DOCK5: variants seen among roughly 807,000 people sequenced by gnomAD.
The protein encoded by DOCK5 is dedicator of cytokinesis protein 5.
Under a neutral mutation model 251.8 loss-of-function variants are expected in DOCK5, and 142 were observed. The observed-to-expected ratio is 0.56, with a 90% CI of 0.49 to 0.65. The LOEUF is 0.65. Ranked by LOEUF, DOCK5 falls within the 30% of genes least tolerant of loss-of-function variation. The pLI, the probability that DOCK5 is intolerant of heterozygous loss-of-function variation, is 0.00. For missense variants in DOCK5, 2,111 were observed against 2,312.3 expected, an observed-to-expected ratio of 0.91 and a Z score of 1.79; for synonymous variants, 842 against 835.5, an observed-to-expected ratio of 1.01 and a Z score of -0.13.
chr8:25,336,503 A>G, intron 22 of DOCK5, 130 bp downstream of exon 22: 3 of 1,236,506 alleles, frequency 2.4e-6, no homozygotes, highest in Non-Finnish European at 3.3e-6. Flanking sequence ...TCAGAACTGC[A>G]GGGCTGAAGA....
chr8:25,243,489 C>T (rs1803011916), intron 1 of DOCK5, among the ~76,000 whole-genome samples, 185 bp from the exon 2 acceptor site: 1 of 152,034 alleles, frequency 6.6e-6, no homozygotes, highest in Admixed American at 6.5e-5. Context: ...TGCCACTACG[C>T]CCAGCTGATT....
At chr8:25,186,970 C>T (rs1801444318) in intron 1 of DOCK5, among the ~76,000 whole-genome samples, 1 of 151,780 alleles carries the variant, frequency 6.6e-6, no homozygotes, top group African/African-American at 2.4e-5. Context: ...GTGGCAGAGG[C>T]AGGAGGATTG....
intron 26 of DOCK5, 21 bp from the exon 27 acceptor site, chr8:25,351,710 C>G (rs1439026822): frequency 1.2e-6 from 2 of 1,600,402 alleles, no homozygotes; most frequent in East Asian, 2.2e-5. Context: ...GGAATGGAGT[C>G]AAATCCTGTG....
intron 4 of DOCK5, among the ~76,000 whole-genome samples, chr8:25,278,367 G>A (rs894931892): frequency 9.9e-5 from 15 of 152,190 alleles, no homozygotes; most frequent in Non-Finnish European, 1.8e-4. Context: ...TGCAGGAACG[G>A]AGCCCATTTT....
At chr8:25,251,236 A>C (rs1330422891) in intron 2 of DOCK5, among the ~76,000 whole-genome samples, 1 of 152,094 alleles carries the variant, frequency 6.6e-6, no homozygotes, top group Non-Finnish European at 1.5e-5. Context: ...AATACAACAC[A>C]ATTGACCGCT....
intron 38 of DOCK5, among the ~76,000 whole-genome samples, chr8:25,379,086 C>A (rs557409227): frequency 7.2e-5 from 11 of 152,152 alleles, no homozygotes; most frequent in Non-Finnish European, 1.6e-4. Context: ...GGACAAAGGG[C>A]AAAAGGCAGA....
At chr8:25,203,107 C>T (rs996384103) in intron 1 of DOCK5, among the ~76,000 whole-genome samples, 1 of 152,130 alleles carries the variant, frequency 6.6e-6, no homozygotes, top group African/African-American at 2.4e-5. Flanking sequence ...TGACCAGTAG[C>T]TCTTGGCCAG....
At chr8:25,334,374 G>C (rs1473619612) in intron 21 of DOCK5, among the ~76,000 whole-genome samples, 178 bp downstream of exon 21, 3 of 152,150 alleles carry the variant, frequency 2.0e-5, no homozygotes, top group South Asian at 2.1e-4. Context: ...TCTAACTCTG[G>C]AAAGGGGGCT....
chr8:25,318,148 G>T (rs775767773), intron 14 of DOCK5, among the ~76,000 whole-genome samples: 21 of 152,100 alleles, frequency 1.4e-4, no homozygotes, highest in Non-Finnish European at 2.6e-4. Flanking sequence ...AAGTGCAGTG[G>T]CACAATCTCT....
At chr8:25,194,176 T>G (rs1421968080) in intron 1 of DOCK5, among the ~76,000 whole-genome samples, 2 of 151,130 alleles carry the variant, frequency 1.3e-5, no homozygotes, top group African/African-American at 4.9e-5. Flanking sequence ...CACCTGTCAT[T>G]GCAGCTACTA....
intron 7 of DOCK5, among the ~76,000 whole-genome samples, 182 bp from the exon 8 acceptor site, chr8:25,298,762 G>T (rs910203217): frequency 2.2e-4 from 34 of 151,964 alleles, no homozygotes; most frequent in Non-Finnish European, 4.1e-4. Context: ...ACAGAGGCTT[G>T]CTGTGTTGCC....
intron 1 of DOCK5, among the ~76,000 whole-genome samples, chr8:25,225,861 A>G (rs1320587711): frequency 6.6e-6 from 1 of 152,206 alleles, no homozygotes; most frequent in Non-Finnish European, 1.5e-5. Flanking sequence ...GACCCAAAGT[A>G]AAAAGGGAGT....
At chr8:25,240,065 C>T (rs554517299) in intron 1 of DOCK5, among the ~76,000 whole-genome samples, 2 of 152,248 alleles carry the variant, frequency 1.3e-5, no homozygotes, top group Admixed American at 6.5e-5. Context: ...ATGTCAAGGA[C>T]GCCTTTCTTC....
chr8:25,388,077 C>T (rs551884971), intron 40 of DOCK5, among the ~76,000 whole-genome samples: 1 of 152,298 alleles, frequency 6.6e-6, no homozygotes, highest in Admixed American at 6.5e-5. Context: ...TCCCTTCATT[C>T]AGTGTTTGCC....
At chr8:25,275,365 C>T in intron 3 of DOCK5, 21 bp from the exon 4 acceptor site, 1 of 1,587,652 alleles carries the variant, frequency 6.3e-7, no homozygotes. Context: ...GGCCATATAA[C>T]CAAAATTCTT....
intron 22 of DOCK5, among the ~76,000 whole-genome samples, chr8:25,339,140 G>A (rs1805886655): frequency 6.6e-6 from 1 of 152,186 alleles, no homozygotes; most frequent in Non-Finnish European, 1.5e-5. Flanking sequence ...CACTGGCCAT[G>A]TCTGGAGGCT....
rs117397427 is a variant in DOCK5, at chr8:25,200,537, A to G, written c.43+15586A>G. ...AAAAATGATACTGAGTCGTTTGTTT[A>G]TCTATACTGAACAAAATGTATCAGG... On this transcript the variant is annotated intron_variant, in intron 1 of 51. Transcript: ENST00000276440. 1.1e-3 allele frequency among the ~76,000 whole-genome samples: 165 copies of G among 152,132 alleles called. 1 individual carries two copies. The highest frequency in any genetic ancestry group is 2.1e-3 in the Admixed American group (32 of 15,282).
chr8:25,270,198 T>C (rs548796775), intron 3 of DOCK5, among the ~76,000 whole-genome samples: 11 of 152,378 alleles, frequency 7.2e-5, no homozygotes, highest in African/African-American at 2.6e-4. Context: ...CCCACAGTTA[T>C]TCTAGTGTCG....
At chr8:25,250,680 C>T (rs1424051259) in intron 2 of DOCK5, among the ~76,000 whole-genome samples, 3 of 152,132 alleles carry the variant, frequency 2.0e-5, no homozygotes, top group African/African-American at 7.2e-5. Context: ...AATGCAAGTT[C>T]CTGCTCTCAT....
Sources: gnomAD v4.1 joint callset for allele counts (sites outside exome capture counted in the v4.1 genomes callset) on GRCh38, gnomAD v4.1.1 for gene constraint, MANE v1.5 for transcripts, NCBI Gene and HGNC (gene_info 2026-07-23, HGNC 2026-07-21) for gene names.